The following ANKRD24 variants were observed in gnomAD, a reference collection of about 807,000 sequenced individuals.
ANKRD24 encodes the protein ankyrin repeat domain 24.
Under a neutral mutation model 127.8 loss-of-function variants are expected in ANKRD24, and 109 were observed. The ratio of observed to expected loss-of-function variants is 0.85; its 90% confidence interval spans 0.73 to 1.00. ANKRD24 has a LOEUF of 1.00. ANKRD24 is among the 50% of genes least tolerant of loss of function. The pLI, the probability that ANKRD24 is intolerant of heterozygous loss-of-function variation, is 0.00. For missense variants in ANKRD24, 1,648 were observed against 1,570.2 expected (o/e 1.05, Z -0.84); for synonymous variants, 743 against 671.1 (o/e 1.11, Z -1.66).
Position 4,216,738 on chromosome 19 carries a change from T to TG in ANKRD24, c.1582dup (p.Glu528GlyfsTer3). 2 of 1,578,158 alleles carry TG rather than the reference T, an allele frequency of 1.3e-6. No homozygotes were observed. The highest frequency in any genetic ancestry group is 1.7e-6 in the Non-Finnish European group (2 of 1,162,780). The stretch of plus-strand genomic sequence containing the variant: ...TCCCCAGAGAAGAGGGGGCAGCCTG[T>TG]GGGGAGAGTGAGGTTGCTGGAGCCA... On this transcript the variant is annotated frameshift_variant, in exon 18 of 22. Transcript: ENST00000318934. LOFTEE classifies it high-confidence loss of function.
rs181327153 is a variant in ANKRD24 at position 4,223,174 on chromosome 19, G to A, written c.3297+379G>A. ...TTGGCAAGGCTGGTCTTGAACTCCTGGGCTCGCATAAGCCTCCCAAAACGC... is the reference window on the plus strand; with the variant it reads ...TTGGCAAGGCTGGTCTTGAACTCCTAGGCTCGCATAAGCCTCCCAAAACGC... On this transcript the variant is annotated intron_variant, in intron 20 of 21. Coordinates refer to ENST00000318934, the MANE Select transcript of ANKRD24 (RefSeq NM_001393985.1). Among the ~76,000 whole-genome samples the A allele has an allele frequency of 7.8e-4, 118 of 151,740 alleles. No individual in the cohort carries two copies. In the East Asian group the frequency reaches 0.019, roughly 25 times the overall value.
At chr19:4,192,467 T>G in intron 2 of ANKRD24, among the ~76,000 whole-genome samples, 1 of 150,280 alleles carries the variant, frequency 6.7e-6, no homozygotes, top group African/African-American at 2.4e-5. Context: ...CGCCTTAGCC[T>G]CCCAAAGTGC....
At position 4,223,359 on chromosome 19, in the gene ANKRD24, G is replaced by A. The variant is rs528407756; in HGVS notation, c.3297+564G>A. 1.7e-3 allele frequency among the ~76,000 whole-genome samples: 227 copies of A among 135,662 alleles called. 3 individuals carry two copies. Among genetic ancestry groups the A allele is most frequent in the African/African-American group, 6.5e-3 (221 of 33,792 alleles). The allele number at this position is 135,662 out of a possible 152,430, so 89.0% of individuals were successfully genotyped here. On this transcript the variant is annotated intron_variant, in intron 20 of 21. Transcript: ENST00000318934. ...CAGTTCTCCACCTCAACCTCCCAAA[G>A]TGCCTGGCCATACATATATATATAT...
At chr19:4,222,903 G>A (rs1020938049) in intron 20 of ANKRD24, 108 bp downstream of exon 20, 10 of 1,301,388 alleles carry the variant, frequency 7.7e-6, no homozygotes, top group Non-Finnish European at 1.0e-5. Flanking sequence ...GGCTGGGGTA[G>A]GCAGGTGGGG....
chr19:4,202,153 C>T, intron 6 of ANKRD24, 63 bp downstream of exon 6: 1 of 1,431,122 alleles, frequency 7.0e-7, no homozygotes, highest in Non-Finnish European at 9.9e-7. Context: ...TCCAGCAATT[C>T]CTTGAACCCC....
intron 15 of ANKRD24, among the ~76,000 whole-genome samples, chr19:4,212,943 C>T (rs1969830959): frequency 1.3e-5 from 2 of 152,140 alleles, no homozygotes; most frequent in Non-Finnish European, 2.9e-5. Flanking sequence ...CTGTCCTGGC[C>T]AACATGGTGA....
rs543686263 is a variant in ANKRD24, at chr19:4,199,624, C to T, written c.37-59C>T. Reference sequence around the variant, plus strand: ...GGGCCTGGGGGCAGATGCTGGGGGTCGCAGGCTTGGGGGACACTGTCTGAG... The same window carrying T: ...GGGCCTGGGGGCAGATGCTGGGGGTTGCAGGCTTGGGGGACACTGTCTGAG... On this transcript the variant is annotated intron_variant, in intron 2 of 21. Coordinates refer to ENST00000318934, the MANE Select transcript of ANKRD24 (RefSeq NM_001393985.1). The surrounding 1 kb of genome is among the most constrained non-coding windows in gnomAD (Gnocchi z 5.2). 15 of 1,476,724 alleles carry T rather than the reference C, an allele frequency of 1.0e-5. No homozygotes were observed. The South Asian group carries it at 1.2e-4, about 12-fold the overall frequency. 91.5% of individuals were successfully genotyped at this position (1,476,724 alleles called of 1,614,324 possible). A position where few individuals can be genotyped will look rare whatever the true frequency, so the allele number is the denominator to read the frequency against.
chr19:4,201,664 G>A (rs1164460717), intron 5 of ANKRD24, among the ~76,000 whole-genome samples: 4 of 151,836 alleles, frequency 2.6e-5, no homozygotes, highest in Admixed American at 2.6e-4. Flanking sequence ...TGGGAGGATC[G>A]CACGAGCCAA....
intron 2 of ANKRD24, among the ~76,000 whole-genome samples, chr19:4,191,928 C>G (rs1327020293): frequency 6.6e-6 from 1 of 150,432 alleles, no homozygotes; most frequent in African/African-American, 2.5e-5. Flanking sequence ...ATTACAGGTG[C>G]CTATCACCAC....
intron 2 of ANKRD24, among the ~76,000 whole-genome samples, chr19:4,192,247 A>C (rs1968425067): frequency 6.6e-6 from 1 of 152,196 alleles, no homozygotes; most frequent in Non-Finnish European, 1.5e-5. Context: ...TTTAGGTTTC[A>C]GGAAAATCTC....
At position 4,212,667 on chromosome 19, in the gene ANKRD24, A is replaced by G. The variant is rs1323403722; in HGVS notation, c.1166A>G (p.Glu389Gly). The part of the protein sequence containing the change: ...EEKESLGREV[E>G]SLQSRLSLLE... ...AAGGAGAGCCTGGGACGGGAGGTGG[A>G]GAGTTTGCAGAGCCGGCTGTCCCTG... Residue 389 changes from glutamate to glycine, a missense_variant, in exon 15 of 22, where the codon GAG becomes GGG. By Grantham distance (98) the Glu-to-Gly change is moderately conservative. Coordinates refer to ENST00000318934, the MANE Select transcript of ANKRD24 (RefSeq NM_001393985.1). The G allele has an allele frequency of 6.4e-7, 1 of 1,550,846 alleles. No homozygotes were observed. The highest frequency in any genetic ancestry group is 8.7e-7 in the Non-Finnish European group (1 of 1,146,818).
intron 2 of ANKRD24, among the ~76,000 whole-genome samples, chr19:4,194,155 T>G (rs1368396439): frequency 6.6e-6 from 1 of 152,012 alleles, no homozygotes; most frequent in East Asian, 1.9e-4. Context: ...CACTGAAATG[T>G]GAATTGTTTT....
rs748011961 is a variant in ANKRD24, at chr19:4,222,650, G to C, written c.3172-20G>C. On this transcript the variant is annotated intron_variant, in intron 19 of 21. Transcript: ENST00000318934. ...CAGCTCTGGGCTTAGGGTGATCGCT[G>C]ACAGCACCTGCACCCTCAGATCACA... is the stretch of plus-strand genomic sequence containing the variant. The C allele has an allele frequency of 1.3e-6, 2 of 1,586,996 alleles. No individual in the cohort carries two copies. The highest frequency in any genetic ancestry group is 4.5e-5 in the East Asian group (2 of 44,080).
intron 5 of ANKRD24, among the ~76,000 whole-genome samples, chr19:4,200,568 G>T (rs577568151): frequency 6.6e-6 from 1 of 152,060 alleles, no homozygotes; most frequent in Non-Finnish European, 1.5e-5. Context: ...ACCCAGGCTT[G>T]AGTGCAGTGG....
chr19:4,210,464 C>A, intron 13 of ANKRD24, 92 bp downstream of exon 13: 1 of 1,134,778 alleles, frequency 8.8e-7, no homozygotes, highest in South Asian at 1.6e-5. Flanking sequence ...ACCTTCCCTC[C>A]TCCATCTCTC....
intron 5 of ANKRD24, 95 bp downstream of exon 5, chr19:4,200,266 C>T (rs968506397): frequency 1.5e-6 from 2 of 1,320,254 alleles, no homozygotes; most frequent in South Asian, 1.4e-5. Flanking sequence ...TCTCAATGTT[C>T]CCCGCTGAAA....
Position 4,217,093 on chromosome 19 carries a change from A to G in ANKRD24, c.1933A>G (p.Thr645Ala). 3 of 1,613,638 alleles carry G rather than the reference A, an allele frequency of 1.9e-6. No individual in the cohort carries two copies. Among genetic ancestry groups the G allele is most frequent in the East Asian group, 2.2e-5 (1 of 44,864 alleles). Residue 645 changes from threonine (T) to alanine (A), a missense_variant, in exon 18 of 22, where the codon ACA becomes GCA. Physicochemically the swap from Thr to Ala is moderately conservative, Grantham distance 58. Transcript: ENST00000318934. ...GGCCATGGGGGTGGAGGCCACAAAAACAAAAGCAGAGGAAGCAGAAATGCA... is the reference window on the plus strand; with the variant it reads ...GGCCATGGGGGTGGAGGCCACAAAAGCAAAAGCAGAGGAAGCAGAAATGCA... ...VEAMGVEATK[T>A]KAEEAEMQAY...
chr19:4,195,112 A>C lies in ANKRD24; in HGVS notation c.37-4571A>C, dbSNP rs150777933. ...TTTAGAGAGGGAGTCTCACTCTGTC[A>C]CCCAGGTTGGAGTGCAGTGGCACGA... On this transcript the variant is annotated intron_variant, in intron 2 of 21. Transcript: ENST00000318934. This position sits in a 1 kb window ranked among gnomAD's most constrained non-coding sequence, Gnocchi z 4.2. 1.4e-5 allele frequency among the ~76,000 whole-genome samples: 2 copies of C among 147,810 alleles called. 1 individual carries two copies. Among genetic ancestry groups the C allele is most frequent in the East Asian group, 4.2e-4 (2 of 4,808 alleles).
chr19:4,195,658 G>A lies in ANKRD24; in HGVS notation c.37-4025G>A, dbSNP rs1382162558. 6.6e-6 allele frequency among the ~76,000 whole-genome samples: 1 copy of A among 152,188 alleles called. No individual in the cohort carries two copies. ...CACGCCTGTAATCCCAACACTTTGA[G>A]AGGCCAAGGCAGGTGGATCACGAGG... On this transcript the variant is annotated intron_variant, in intron 2 of 21. Coordinates refer to ENST00000318934, the MANE Select transcript of ANKRD24 (RefSeq NM_001393985.1). The surrounding 1 kb of genome is among the most constrained non-coding windows in gnomAD (Gnocchi z 4.2).
Sources: allele counts gnomAD v4.1 joint callset (sites outside exome capture counted in the v4.1 genomes callset), GRCh38; gene constraint gnomAD v4.1.1; non-coding constraint Gnocchi (gnomAD v3.1); transcripts MANE v1.5; gene names NCBI Gene and HGNC (gene_info 2026-07-23, HGNC 2026-07-21).